Variants in TBXAS1 observed in about 807,000 individuals in gnomAD.
TBXAS1 encodes thromboxane-A synthase.
TBXAS1 carries 48 observed loss-of-function variants against 60.7 expected under a neutral mutation model. The ratio of observed to expected loss-of-function variants is 0.79; its 90% CI spans 0.63 to 1.01. The LOEUF (loss-of-function observed/expected upper bound fraction) is 1.01. Ranked by LOEUF, TBXAS1 falls within the 50% of genes least tolerant of loss-of-function variation. The probability of loss-of-function intolerance (pLI) is 0.00; values close to 1 mark genes in which losing one functional copy is unlikely to be tolerated. For missense variants in TBXAS1, 685 were observed against 686.3 expected (o/e 1.00, Z 0.02); for synonymous variants, 287 against 269.7 (o/e 1.06, Z -0.63).
At chr7:139,929,242 A>T (rs1279034576) in intron 4 of TBXAS1, among the ~76,000 whole-genome samples, 2 of 152,226 alleles carry the variant, frequency 1.3e-5, no homozygotes, top group African/African-American at 4.8e-5. Flanking sequence ...GCCCTTACAG[A>T]TGGAGCAATG....
In TBXAS1 at chr7:140,012,718, C is replaced by T. The variant is rs1454283344; in HGVS notation, c.1227-3005C>T. 2.6e-5 allele frequency among the ~76,000 whole-genome samples: 4 copies of T among 152,148 alleles called. No individual in the cohort carries two copies. In the South Asian group the frequency reaches 6.2e-4, roughly 24 times the overall value. On this transcript the variant is annotated intron_variant, in intron 10 of 12. Coordinates refer to ENST00000448866, the MANE Select transcript of TBXAS1 (RefSeq NM_001061.7). The stretch of plus-strand genomic sequence containing the variant: ...AGGTGATCCACACACCTCTGCCTCC[C>T]AAAGTGCTGGGATTACAGGCATGAG...
chr7:139,903,850 T>C (rs1005145081), intron 3 of TBXAS1, among the ~76,000 whole-genome samples: 5 of 152,058 alleles, frequency 3.3e-5, no homozygotes, highest in African/African-American at 1.2e-4. Context: ...TTCTGGATAT[T>C]AGTCCTTTGT....
intron 3 of TBXAS1, among the ~76,000 whole-genome samples, chr7:139,887,360 C>T (rs1335603933): frequency 3.9e-5 from 6 of 152,172 alleles, no homozygotes; most frequent in Non-Finnish European, 5.9e-5. Context: ...CTATCATCAT[C>T]GTTCACATCC....
chr7:139,902,795 C>T lies in TBXAS1; in HGVS notation c.237-8430C>T, dbSNP rs1804682420. ...ATCACTATTCTTTTAAAATTTTAGCCTTTCTGATAGATGTGAAATGATATC... is the reference window on the plus strand; with the variant it reads ...ATCACTATTCTTTTAAAATTTTAGCTTTTCTGATAGATGTGAAATGATATC... On this transcript the variant is annotated intron_variant, in intron 3 of 12. Transcript: ENST00000448866. Among the ~76,000 whole-genome samples, 2 of 152,086 alleles carry T rather than the reference C, an allele frequency of 1.3e-5. 1 individual carries two copies. Among genetic ancestry groups the T allele is most frequent in the African/African-American group, 4.8e-5 (2 of 41,354 alleles).
At chr7:139,839,311 G>A (rs191253150) in intron 1 of TBXAS1, among the ~76,000 whole-genome samples, 1 of 152,296 alleles carries the variant, frequency 6.6e-6, no homozygotes, top group African/African-American at 2.4e-5. Flanking sequence ...GTGGTGAAGG[G>A]GAAAGCAGTT....
At position 139,872,426 on chromosome 7, in the gene TBXAS1, G is replaced by A. The variant is rs530126384; in HGVS notation, c.183+98G>A. The A allele has an allele frequency of 9.0e-5, 108 of 1,195,246 alleles. No homozygotes were observed. The Middle Eastern group carries it at 2.0e-3, about 23-fold the overall frequency. The allele number at this position is 1,195,246 out of a possible 1,614,324, so 74.0% of individuals were successfully genotyped here. Reference sequence around the variant, plus strand: ...TCCCAGCACTTTGGGAGGCCGAAGCGTGTGGATCACCTGAGGTCAGGAGTT... The same window carrying A: ...TCCCAGCACTTTGGGAGGCCGAAGCATGTGGATCACCTGAGGTCAGGAGTT... On this transcript the variant is annotated intron_variant, in intron 2 of 12. Coordinates refer to ENST00000448866, the MANE Select transcript of TBXAS1 (RefSeq NM_001061.7).
intron 9 of TBXAS1, among the ~76,000 whole-genome samples, chr7:139,982,817 C>T (rs1812061689): frequency 6.6e-6 from 1 of 152,122 alleles, no homozygotes; most frequent in Non-Finnish European, 1.5e-5. Flanking sequence ...TTAAAATCTA[C>T]TTTACAAACG....
chr7:139,793,815 C>A (rs940505026), intron 4 of TBXAS1, among the ~76,000 whole-genome samples: 4 of 152,176 alleles, frequency 2.6e-5, no homozygotes, highest in Admixed American at 6.5e-5. Context: ...ATAAGCCAAG[C>A]TTTTCAGAGC....
chr7:139,936,447 C>G (rs1230431461), intron 5 of TBXAS1, 140 bp downstream of exon 5: 2 of 855,466 alleles, frequency 2.3e-6, no homozygotes, highest in East Asian at 4.9e-5. Flanking sequence ...CTTCAGACCT[C>G]TCTGTTATGC....
In TBXAS1 at chr7:139,941,132, C is replaced by A. The variant is rs114479347; in HGVS notation, c.450+4825C>A. On this transcript the variant is annotated intron_variant, in intron 5 of 12. Transcript: ENST00000448866. ...TTTTCCTGGAAATAGCTTTGAAATA[C>A]CAGCATCTCTAGTCCTTTCTGAATT... Among the ~76,000 whole-genome samples, 509 of 152,306 alleles carry A rather than the reference C, an allele frequency of 3.3e-3. 4 individuals are homozygous for A. Among genetic ancestry groups the A allele is most frequent in the African/African-American group, 0.012 (492 of 41,550 alleles).
chr7:139,831,135 G>C (rs1004765502), intron 1 of TBXAS1, among the ~76,000 whole-genome samples: 2 of 152,122 alleles, frequency 1.3e-5, no homozygotes, highest in African/African-American at 2.4e-5. Context: ...GTCTGGAGGA[G>C]GCCCTGGTAC....
chr7:140,010,871 G>A (rs549939525), intron 10 of TBXAS1, among the ~76,000 whole-genome samples: 1 of 151,996 alleles, frequency 6.6e-6, no homozygotes, highest in East Asian at 1.9e-4. Context: ...GATATTTAGG[G>A]AAGTCCAATC....
chr7:139,953,509 T>C, intron 6 of TBXAS1, 53 bp downstream of exon 6: 1 of 1,530,250 alleles, frequency 6.5e-7, no homozygotes, highest in Non-Finnish European at 9.1e-7. Context: ...CACTGCTTCT[T>C]GTAACTGTCC....
intron 1 of TBXAS1, among the ~76,000 whole-genome samples, chr7:139,830,855 C>T (rs753131112): frequency 7.2e-5 from 11 of 152,036 alleles, no homozygotes; most frequent in Non-Finnish European, 1.3e-4. Flanking sequence ...TATGCTCTGA[C>T]TGTGGTTCTC....
intron 9 of TBXAS1, among the ~76,000 whole-genome samples, chr7:139,973,803 AT>A (rs200599511): frequency 4.8e-4 from 72 of 151,110 alleles, no homozygotes; most frequent in African/African-American, 1.6e-3. Context: ...ACTTAATTTG[AT>A]TTTTTTTTCT....
At chr7:139,829,083 C>A, upstream of TBXAS1, 1 of 451,314 alleles carries the variant, frequency 2.2e-6, no homozygotes, top group Non-Finnish European at 4.2e-6. Context: ...TGTTTCTCAG[C>A]AAACATGGGG....
At chr7:139,895,067 G>A (rs1569509722) in intron 3 of TBXAS1, among the ~76,000 whole-genome samples, 2 of 152,186 alleles carry the variant, frequency 1.3e-5, no homozygotes, top group South Asian at 2.1e-4. Flanking sequence ...AGAAAGAACA[G>A]GAAACAGGAT....
chr7:139,833,509 C>CA (rs56291914), intron 1 of TBXAS1, among the ~76,000 whole-genome samples: 1,038 of 74,258 alleles, frequency 0.014, 21 homozygotes, highest in African/African-American at 0.034. Context: ...ACTAAAAATA[C>CA]AAAAAAAAAA....
intron 3 of TBXAS1, among the ~76,000 whole-genome samples, chr7:139,886,504 G>T (rs923261913): frequency 7.0e-6 from 1 of 143,214 alleles, no homozygotes; most frequent in African/African-American, 2.6e-5. Flanking sequence ...TGAGGCAATT[G>T]TGGTCTTTTT....
Sources: allele counts gnomAD v4.1 joint callset (sites outside exome capture counted in the v4.1 genomes callset), GRCh38; gene constraint gnomAD v4.1.1; transcripts MANE v1.5; gene names NCBI Gene and HGNC (gene_info 2026-07-23, HGNC 2026-07-21).